The following MARCHF1 variants were observed in gnomAD, a reference collection of about 807,000 sequenced individuals.
The protein encoded by MARCHF1 is membrane associated ring-CH-type finger 1, also known as E3 ubiquitin-protein ligase MARCHF1.
In MARCHF1, 40 loss-of-function variants were observed where a neutral mutation model predicts 54.2. The ratio of observed to expected loss-of-function variants is 0.74; its 90% CI spans 0.57 to 0.96. MARCHF1 has a LOEUF of 0.96. Among genes scored for constraint, MARCHF1 ranks in the 40% least tolerant of loss-of-function variants. The pLI is 0.00. For missense variants in MARCHF1, 586 were observed against 656.5 expected (o/e 0.89, Z 1.17); for synonymous variants, 236 against 236.3 (o/e 1.00, Z 0.01).
intron 5 of MARCHF1, among the ~76,000 whole-genome samples, chr4:163,623,539 C>T (rs905686528): frequency 6.6e-6 from 1 of 152,078 alleles, no homozygotes; most frequent in Admixed American, 6.6e-5. Context: ...AATGGGACGG[C>T]GTTAACACCT....
At position 163,524,732 on chromosome 4, in the gene MARCHF1, C is replaced by T. The variant is rs1171030158; in HGVS notation, c.*4016G>A. The T allele has an allele frequency of 6.6e-6, 1 of 152,164 alleles. No individual in the cohort carries two copies. Among genetic ancestry groups the T allele is most frequent in the African/African-American group, 2.4e-5 (1 of 41,450 alleles). 9.4% of individuals were successfully genotyped at this position (152,164 alleles called of 1,614,324 possible). On this transcript the variant is annotated 3_prime_UTR_variant, in exon 10 of 10. Coordinates refer to ENST00000514618, the MANE Select transcript of MARCHF1 (RefSeq NM_001394959.1). ...GAAACCACAACTAAGGTTTGCGTCA[C>T]TTGTTTAATATACAAAGTCTTTCAC...
At chr4:164,038,275 C>T (rs1260488740) in intron 2 of MARCHF1, among the ~76,000 whole-genome samples, 1 of 152,078 alleles carries the variant, frequency 6.6e-6, no homozygotes, top group Non-Finnish European at 1.5e-5. Context: ...AGGTGGATCA[C>T]AAGGTCAGGA....
chr4:163,585,722 C>T, intron 8 of MARCHF1, 27 bp downstream of exon 8: 1 of 1,513,674 alleles, frequency 6.6e-7, no homozygotes, highest in Non-Finnish European at 8.9e-7. Flanking sequence ...ATGGTCCCTC[C>T]CAAACCAATT....
Position 163,557,942 on chromosome 4 carries a change from G to C in MARCHF1, c.1192-12199C>G, listed in dbSNP as rs117370080. On this transcript the variant is annotated intron_variant, in intron 8 of 9. Transcript: ENST00000514618. Reference sequence around the variant, plus strand: ...AGCGTCCACACTGAAAATGGAGCAGGAAGGTTTAATATTCCCATTTAAACA... The same window carrying C: ...AGCGTCCACACTGAAAATGGAGCAGCAAGGTTTAATATTCCCATTTAAACA... 1.8e-4 allele frequency among the ~76,000 whole-genome samples: 27 copies of C among 152,300 alleles called. No individual in the cohort carries two copies. In the East Asian group the frequency reaches 5.2e-3, roughly 29 times the overall value.
intron 1 of MARCHF1, among the ~76,000 whole-genome samples, chr4:164,358,419 T>C (rs1730625892): frequency 1.3e-5 from 2 of 152,098 alleles, no homozygotes; most frequent in African/African-American, 4.8e-5. Flanking sequence ...AATTATAAGA[T>C]AGAAGAAACT....
chr4:164,112,703 G>A (rs1447310389), intron 1 of MARCHF1, among the ~76,000 whole-genome samples: 1 of 151,644 alleles, frequency 6.6e-6, no homozygotes, highest in Non-Finnish European at 1.5e-5. Context: ...AACCACATAA[G>A]GTGAGAAAAC....
intron 4 of MARCHF1, among the ~76,000 whole-genome samples, chr4:163,760,199 G>A (rs1746790314): frequency 6.6e-6 from 1 of 152,184 alleles, no homozygotes; most frequent in African/African-American, 2.4e-5. Context: ...CAGCATGGCT[G>A]ATCTGCTCCT....
intron 5 of MARCHF1, among the ~76,000 whole-genome samples, chr4:163,665,914 C>T (rs1028645322): frequency 2.6e-5 from 4 of 152,130 alleles, no homozygotes; most frequent in Non-Finnish European, 4.4e-5. Flanking sequence ...TGGATGAATG[C>T]TGAGGAGGAT....
chr4:164,339,227 C>G (rs1729846502), intron 1 of MARCHF1, among the ~76,000 whole-genome samples: 1 of 152,064 alleles, frequency 6.6e-6, no homozygotes, highest in Non-Finnish European at 1.5e-5. Context: ...CCAAGTGGAC[C>G]TCACAGACAC....
At chr4:164,112,668 A>T (rs1408576043) in intron 1 of MARCHF1, among the ~76,000 whole-genome samples, 1 of 151,922 alleles carries the variant, frequency 6.6e-6, no homozygotes, top group Non-Finnish European at 1.5e-5. Flanking sequence ...ATAAAAGTCA[A>T]CCGCTGACAC....
intron 1 of MARCHF1, among the ~76,000 whole-genome samples, chr4:164,305,816 T>A (rs558856515): frequency 6.6e-6 from 1 of 152,244 alleles, no homozygotes; most frequent in East Asian, 1.9e-4. Context: ...ATATGCTAAT[T>A]AGCTTGATTT....
chr4:163,935,034 C>T (rs142987650), intron 3 of MARCHF1, among the ~76,000 whole-genome samples: 1 of 152,058 alleles, frequency 6.6e-6, no homozygotes, highest in South Asian at 2.1e-4. Context: ...TTGAAATTAC[C>T]TCAACACAAC....
At chr4:164,276,957 GAGAGAGAGAGAC>G (rs1388193501) in intron 1 of MARCHF1, among the ~76,000 whole-genome samples, 20 of 109,494 alleles carry the variant, frequency 1.8e-4, no homozygotes, top group Non-Finnish European at 3.1e-4. Flanking sequence ...TAGAGAGAGA[GAGAGAGAGAGAC>G]AGAGAGAGAG....
chr4:164,142,910 A>G (rs535175985), intron 1 of MARCHF1, among the ~76,000 whole-genome samples: 37 of 152,100 alleles, frequency 2.4e-4, no homozygotes, highest in Admixed American at 9.2e-4. Flanking sequence ...AGGCAAAGAA[A>G]TTGAAAACTT....
intron 2 of MARCHF1, among the ~76,000 whole-genome samples, chr4:164,056,589 T>C (rs577590262): frequency 2.0e-5 from 3 of 152,282 alleles, no homozygotes; most frequent in African/African-American, 7.2e-5. Context: ...AGTATTGTTA[T>C]CCATTTCCGA....
At chr4:163,715,986 C>T (rs1169346682) in intron 4 of MARCHF1, among the ~76,000 whole-genome samples, 1 of 152,112 alleles carries the variant, frequency 6.6e-6, no homozygotes, top group Non-Finnish European at 1.5e-5. Flanking sequence ...ACAGAATTTT[C>T]ATCAAGATAA....
At chr4:163,735,719 A>C (rs1168478405) in intron 4 of MARCHF1, among the ~76,000 whole-genome samples, 1 of 152,166 alleles carries the variant, frequency 6.6e-6, no homozygotes, top group Non-Finnish European at 1.5e-5. Context: ...TTAGGGGGCC[A>C]CATTCAAACC....
rs1352099536 is a variant in MARCHF1, at chr4:163,525,685, A to C, written c.*3063T>G. 3.9e-5 allele frequency: 6 copies of C among 152,110 alleles called. No homozygotes were observed. Among genetic ancestry groups the C allele is most frequent in the Non-Finnish European group, 7.4e-5 (5 of 68,000 alleles). The allele number at this position is 152,110 out of a possible 1,614,324, so 9.4% of individuals were successfully genotyped here. On this transcript the variant is annotated 3_prime_UTR_variant, in exon 10 of 10. Transcript: ENST00000514618. The stretch of plus-strand genomic sequence containing the variant: ...GAGCCAAGGTTTTTAACACAACTGT[A>C]ATTTCATTCTTCAATTTTAGTCCTT...
intron 4 of MARCHF1, among the ~76,000 whole-genome samples, chr4:163,713,179 T>C (rs910743954): frequency 2.0e-5 from 3 of 152,106 alleles, no homozygotes; most frequent in South Asian, 4.1e-4. Flanking sequence ...GGATTAATTA[T>C]TGGAAAAATA....
Sources: gnomAD v4.1 joint callset for allele counts (sites outside exome capture counted in the v4.1 genomes callset) on GRCh38, gnomAD v4.1.1 for gene constraint, MANE v1.5 for transcripts, NCBI Gene and HGNC (gene_info 2026-07-23, HGNC 2026-07-21) for gene names.